The following CLDN14 variants were observed in gnomAD, a reference collection of about 807,000 sequenced individuals.
The protein encoded by CLDN14 is claudin-14.
Under a neutral mutation model 2.1 loss-of-function variants are expected in CLDN14, and 2 were observed. The ratio of observed to expected loss-of-function variants is 0.96; its 90% CI spans 0.39 to 3.01. The LOEUF (loss-of-function observed/expected upper bound fraction) is 3.01. Ranked by LOEUF, CLDN14 falls within the 30% of genes most tolerant of loss-of-function variation. The pLI, the probability that CLDN14 is intolerant of heterozygous loss-of-function variation, is 0.09. For missense variants in CLDN14, 298 were observed against 328.0 expected (o/e 0.91, Z 0.71); for synonymous variants, 136 against 154.4 (o/e 0.88, Z 0.88).
chr21:36,487,187 G>A (rs2086907193), intron 2 of CLDN14: 1 of 198,916 alleles, frequency 5.0e-6, no homozygotes, highest in African/African-American at 2.4e-5. Context: ...GTTTTACCAT[G>A]TTGGTCAGGC....
intron 2 of CLDN14, chr21:36,486,474 G>T: frequency 1.3e-6 from 2 of 1,547,216 alleles, no homozygotes; most frequent in South Asian, 2.2e-5. Context: ...TCAGCACTGG[G>T]ATCTACTCCA....
At chr21:36,529,248 A>C (rs1039372753) in intron 1 of CLDN14, among the ~76,000 whole-genome samples, 1 of 152,170 alleles carries the variant, frequency 6.6e-6, no homozygotes, top group Non-Finnish European at 1.5e-5. Context: ...TATTTTGTTT[A>C]GTCCTTTCAT....
intron 1 of CLDN14, among the ~76,000 whole-genome samples, chr21:36,464,264 C>T (rs749430704): frequency 1.3e-5 from 2 of 152,196 alleles, no homozygotes; most frequent in Non-Finnish European, 2.9e-5. Flanking sequence ...TCCCCAGCCA[C>T]GCTTCCTGTA....
At chr21:36,493,670 C>T (rs983227273) in intron 2 of CLDN14, among the ~76,000 whole-genome samples, 41 of 152,078 alleles carry the variant, frequency 2.7e-4, no homozygotes, top group Admixed American at 6.5e-5. Context: ...TAGTCTCTCT[C>T]ACAGCTAACA....
chr21:36,496,287 A>G (rs1250203177), intron 2 of CLDN14, among the ~76,000 whole-genome samples: 1 of 151,740 alleles, frequency 6.6e-6, no homozygotes, highest in African/African-American at 2.4e-5. Context: ...AAATACAAAA[A>G]TTAGCTGGGC....
At chr21:36,507,957 C>T (rs2087148496) in intron 2 of CLDN14, among the ~76,000 whole-genome samples, 1 of 152,030 alleles carries the variant, frequency 6.6e-6, no homozygotes, top group African/African-American at 2.4e-5. Flanking sequence ...ATATAATTAC[C>T]ACATATATAC....
intron 1 of CLDN14, among the ~76,000 whole-genome samples, chr21:36,575,836 C>T (rs1408359549): frequency 1.3e-5 from 2 of 152,202 alleles, no homozygotes; most frequent in Admixed American, 6.5e-5. Context: ...AAGAGCATCA[C>T]CCGCCTTCCA....
intron 1 of CLDN14, among the ~76,000 whole-genome samples, chr21:36,557,532 T>C (rs1376838831): frequency 6.6e-6 from 1 of 152,208 alleles, no homozygotes; most frequent in Non-Finnish European, 1.5e-5. Context: ...TCCTTGATGA[T>C]TAGTGACGTT....
intron 1 of CLDN14, among the ~76,000 whole-genome samples, chr21:36,553,556 C>T (rs2087577502): frequency 6.6e-6 from 1 of 152,066 alleles, no homozygotes; most frequent in Non-Finnish European, 1.5e-5. Flanking sequence ...TCCCCGCACC[C>T]CATCTTGGCC....
Position 36,461,277 on chromosome 21 carries a change from G to A in CLDN14, c.419C>T (p.Thr140Ile), listed in dbSNP as rs754545220. Residue 140 changes from threonine to isoleucine, a missense_variant, in exon 2 of 2, where the codon ACC becomes ATC. Coordinates refer to ENST00000399135, the MANE Select transcript of CLDN14 (RefSeq NM_001146079.2). Reference sequence around the variant, plus strand: ...GTAGAAGTTCTGCACCACGTCGTTGGTGGTCCAGGAGACGGCCACCATGCA... The same window carrying A: ...GTAGAAGTTCTGCACCACGTCGTTGATGGTCCAGGAGACGGCCACCATGCA... ...LLCMVAVSWT[T>I]NDVVQNFYNP... 10 of 1,613,732 alleles carry A rather than the reference G, an allele frequency of 6.2e-6. No individual in the cohort carries two copies. The South Asian group carries it at 6.6e-5, about 11-fold the overall frequency.
chr21:36,467,870 G>C (rs909933744), intron 1 of CLDN14, among the ~76,000 whole-genome samples: 1 of 152,186 alleles, frequency 6.6e-6, no homozygotes, highest in Non-Finnish European at 1.5e-5. Context: ...TGGGAGGGGT[G>C]GAGGACATCA....
intron 2 of CLDN14, among the ~76,000 whole-genome samples, chr21:36,506,823 C>T (rs1438209406): frequency 1.3e-5 from 2 of 151,848 alleles, no homozygotes; most frequent in Admixed American, 1.3e-4. Flanking sequence ...TGCAGAGCAT[C>T]AAGAGTTACA....
intron 1 of CLDN14, among the ~76,000 whole-genome samples, chr21:36,466,610 G>T (rs1012285995): frequency 2.0e-5 from 3 of 152,116 alleles, no homozygotes; most frequent in South Asian, 2.1e-4. Context: ...TGGGGATTAT[G>T]GGAACTACAA....
intron 1 of CLDN14, among the ~76,000 whole-genome samples, chr21:36,531,267 A>AAT (rs764699301): frequency 1.1e-4 from 16 of 151,680 alleles, no homozygotes; most frequent in South Asian, 2.1e-4. Flanking sequence ...TAGGGAAATA[A>AAT]ATATATATAT....
At chr21:36,546,730 C>A (rs2087528275) in intron 1 of CLDN14, among the ~76,000 whole-genome samples, 1 of 152,198 alleles carries the variant, frequency 6.6e-6, no homozygotes, top group Non-Finnish European at 1.5e-5. Context: ...CAATAATTTT[C>A]AACTTACAGC....
At chr21:36,547,529 C>T (rs1385126020) in intron 1 of CLDN14, among the ~76,000 whole-genome samples, 1 of 152,174 alleles carries the variant, frequency 6.6e-6, no homozygotes, top group Admixed American at 6.5e-5. Context: ...CAGCAGCGCC[C>T]GGGCCATTAA....
chr21:36,561,884 C>A (rs1040886918), intron 1 of CLDN14, among the ~76,000 whole-genome samples: 1 of 151,344 alleles, frequency 6.6e-6, no homozygotes, highest in East Asian at 1.9e-4. Flanking sequence ...GTCCTTCAAG[C>A]CTGGCTCTTG....
intron 1 of CLDN14, among the ~76,000 whole-genome samples, chr21:36,528,849 C>G (rs1366686942): frequency 1.3e-5 from 2 of 152,232 alleles, no homozygotes; most frequent in African/African-American, 4.8e-5. Context: ...TCCCCCTTCT[C>G]CACCACAGGC....
intron 1 of CLDN14, among the ~76,000 whole-genome samples, chr21:36,572,434 C>T (rs1237103402): frequency 6.6e-6 from 1 of 152,132 alleles, no homozygotes; most frequent in Non-Finnish European, 1.5e-5. Flanking sequence ...CCACCAACCT[C>T]TACCCTCCAC....
Sources: gnomAD v4.1 joint callset for allele counts (sites outside exome capture counted in the v4.1 genomes callset) on GRCh38, gnomAD v4.1.1 for gene constraint, MANE v1.5 for transcripts, NCBI Gene and HGNC (gene_info 2026-07-23, HGNC 2026-07-21) for gene names.